Variants in SYT16 observed in about 807,000 individuals in gnomAD.
The protein encoded by SYT16 is synaptotagmin-16.
A neutral mutation model predicts 61.4 loss-of-function variants in SYT16; 42 were observed. The observed-to-expected ratio is 0.68, with a 90% confidence interval of 0.53 to 0.89. SYT16 has a LOEUF of 0.89. Among genes scored for constraint, SYT16 ranks in the 40% least tolerant of loss-of-function variants. The pLI is 0.00. For missense variants in SYT16, 804 were observed against 807.3 expected, an observed-to-expected ratio of 1.00 and a Z score of 0.05; for synonymous variants, 314 against 302.3, an observed-to-expected ratio of 1.04 and a Z score of -0.40.
intron 3 of SYT16, among the ~76,000 whole-genome samples, chr14:62,062,335 T>G (rs564858007): frequency 1.3e-5 from 2 of 152,314 alleles, no homozygotes; most frequent in East Asian, 3.9e-4. Context: ...TTTGTTTACA[T>G]CAGTGTTTTT....
chr14:61,833,643 C>T (rs2046015786), intron 1 of SYT16, among the ~76,000 whole-genome samples: 1 of 148,798 alleles, frequency 6.7e-6, no homozygotes, highest in African/African-American at 2.5e-5. Flanking sequence ...TGGTCTTGAA[C>T]TCCTGACCTT....
intron 2 of SYT16, among the ~76,000 whole-genome samples, chr14:61,987,743 C>CT (rs1595088847): frequency 1.4e-3 from 22 of 16,014 alleles, no homozygotes; most frequent in African/African-American, 3.7e-3. Context: ...TGATTTTTTT[C>CT]CTTTTTTTTT....
At chr14:61,913,703 T>TC in intron 1 of SYT16, among the ~76,000 whole-genome samples, 1 of 125,258 alleles carries the variant, frequency 8.0e-6, no homozygotes, top group Admixed American at 8.7e-5. Context: ...TCTTTGGGTC[T>TC]TTGTGTGTGT....
At chr14:62,002,452 C>T (rs78396494) in intron 3 of SYT16, among the ~76,000 whole-genome samples, 87,007 of 143,926 alleles carry the variant, frequency 0.6, 26,199 homozygotes, top group African/African-American at 0.76. Context: ...GCTTTTGCCC[C>T]TTCCCAGGAA....
At chr14:61,910,808 C>A (rs143238947) in intron 1 of SYT16, among the ~76,000 whole-genome samples, 2 of 152,150 alleles carry the variant, frequency 1.3e-5, no homozygotes, top group African/African-American at 4.8e-5. Flanking sequence ...GGATTACAGG[C>A]GTGAGCCACC....
At chr14:61,988,101 C>T (rs537409217) in intron 2 of SYT16, among the ~76,000 whole-genome samples, 3 of 152,170 alleles carry the variant, frequency 2.0e-5, no homozygotes, top group Non-Finnish European at 4.4e-5. Flanking sequence ...TTCAGAATCT[C>T]CTCTACTGGG....
At chr14:62,009,999 A>T (rs925047691) in intron 3 of SYT16, among the ~76,000 whole-genome samples, 2 of 152,156 alleles carry the variant, frequency 1.3e-5, no homozygotes, top group Non-Finnish European at 1.5e-5. Flanking sequence ...TATTCATTTG[A>T]CATCCAGTAC....
intron 3 of SYT16, among the ~76,000 whole-genome samples, chr14:62,061,267 T>C (rs912542047): frequency 2.6e-4 from 39 of 152,102 alleles, no homozygotes; most frequent in African/African-American, 9.4e-4. Flanking sequence ...AAGAACTTAA[T>C]AGACAAATTA....
intron 1 of SYT16, among the ~76,000 whole-genome samples, chr14:61,881,640 G>A (rs1355679904): frequency 6.6e-6 from 1 of 152,194 alleles, no homozygotes; most frequent in Non-Finnish European, 1.5e-5. Flanking sequence ...CTATGGTGAT[G>A]TATAGCTTTT....
At chr14:61,923,217 A>G (rs1299116036) in intron 1 of SYT16, among the ~76,000 whole-genome samples, 1 of 152,132 alleles carries the variant, frequency 6.6e-6, no homozygotes, top group Non-Finnish European at 1.5e-5. Flanking sequence ...ATGGCACCAA[A>G]CTCATTCATA....
intron 3 of SYT16, among the ~76,000 whole-genome samples, chr14:62,027,097 C>T (rs1212875903): frequency 6.6e-6 from 1 of 152,076 alleles, no homozygotes; most frequent in Non-Finnish European, 1.5e-5. Context: ...TCATTTAATG[C>T]TCTTTGCCTT....
intron 6 of SYT16, 130 bp downstream of exon 6, chr14:62,081,404 C>T: frequency 1.0e-6 from 1 of 985,990 alleles, no homozygotes; most frequent in Non-Finnish European, 1.5e-6. Context: ...GCTCTCCTCA[C>T]CCTTGTAAGC....
At chr14:61,922,233 G>A (rs2049359922) in intron 1 of SYT16, among the ~76,000 whole-genome samples, 2 of 152,166 alleles carry the variant, frequency 1.3e-5, no homozygotes, top group South Asian at 4.1e-4. Flanking sequence ...ACATGCATGT[G>A]TCTGTTCATT....
chr14:62,002,706 A>G (rs1167653313), intron 3 of SYT16, among the ~76,000 whole-genome samples: 1 of 152,014 alleles, frequency 6.6e-6, no homozygotes, highest in Non-Finnish European at 1.5e-5. Flanking sequence ...TGTTCTGCTT[A>G]CTCACCTTAA....
At chr14:62,002,669 C>T (rs2053068390) in intron 3 of SYT16, among the ~76,000 whole-genome samples, 1 of 152,086 alleles carries the variant, frequency 6.6e-6, no homozygotes, top group South Asian at 2.1e-4. Context: ...TTTCCTGCCC[C>T]TTCCCCAGGG....
chr14:61,973,352 G>A (rs2051644344), intron 2 of SYT16, among the ~76,000 whole-genome samples: 1 of 152,142 alleles, frequency 6.6e-6, no homozygotes, highest in Admixed American at 6.5e-5. Context: ...TACAGATAAT[G>A]ATCATTGGTA....
intron 1 of SYT16, among the ~76,000 whole-genome samples, chr14:61,847,261 C>G (rs140409123): frequency 6.6e-6 from 1 of 152,114 alleles, no homozygotes; most frequent in Non-Finnish European, 1.5e-5. Flanking sequence ...TTTCAGCTTT[C>G]GTTTGTCTGG....
intron 7 of SYT16, among the ~76,000 whole-genome samples, chr14:62,085,430 G>A (rs551423286): frequency 6.6e-6 from 1 of 152,242 alleles, no homozygotes; most frequent in East Asian, 1.9e-4. Context: ...AGAGGGCTAG[G>A]GAGCCTGCCC....
chr14:61,819,912 C>T (rs114759613), intron 1 of SYT16, among the ~76,000 whole-genome samples: 5 of 152,296 alleles, frequency 3.3e-5, no homozygotes, highest in Non-Finnish European at 5.9e-5. Context: ...GAGTTGCTGG[C>T]ACAACATATG....
Sources: gnomAD v4.1 joint callset for allele counts (sites outside exome capture counted in the v4.1 genomes callset) on GRCh38, gnomAD v4.1.1 for gene constraint, MANE v1.5 for transcripts, NCBI Gene and HGNC (gene_info 2026-07-23, HGNC 2026-07-21) for gene names.